Variants in VPS8 observed in about 807,000 individuals in gnomAD.
VPS8 encodes the protein VPS8 subunit of CORVET complex, also known as vacuolar protein sorting-associated protein 8 homolog.
VPS8 carries 129 observed loss-of-function variants against 216.4 expected under a neutral mutation model. That is an observed-to-expected ratio of 0.60 (90% CI 0.52 to 0.69). The LOEUF (loss-of-function observed/expected upper bound fraction) is 0.69, where lower values mean the gene tolerates loss of function less well. VPS8 is among the 30% of genes least tolerant of loss of function. The probability of loss-of-function intolerance (pLI) is 0.00; values close to 1 mark genes in which losing one functional copy is unlikely to be tolerated. For missense variants in VPS8, 1,531 were observed against 1,683.5 expected, an observed-to-expected ratio of 0.91 and a Z score of 1.59; for synonymous variants, 571 against 565.4, an observed-to-expected ratio of 1.01 and a Z score of -0.14.
intron 22 of VPS8, chr3:184,893,308 A>G: frequency 3.1e-6 from 4 of 1,287,256 alleles, no homozygotes; most frequent in Non-Finnish European, 4.1e-6. Context: ...CTTGTCATGA[A>G]AGACCATACC....
Position 184,957,353 on chromosome 3 carries a change from CTTTATCT to C in VPS8, c.3036-15_3036-9del. Reference sequence around the variant, plus strand: ...AAATAATGCTACAATTGAGTGTTCTCTTTATCTTTTATGTTTTTAGGGAAGGTATTCA... The same window carrying C: ...AAATAATGCTACAATTGAGTGTTCTCTTTATGTTTTTAGGGAAGGTATTCA... On this transcript the variant is annotated splice_polypyrimidine_tract_variant and intron_variant, in intron 36 of 47. Coordinates refer to ENST00000625842, the MANE Select transcript of VPS8 (RefSeq NM_001009921.3). The C allele has an allele frequency of 6.3e-7, 1 of 1,584,292 alleles. No individual in the cohort carries two copies. The highest frequency in any genetic ancestry group is 1.4e-5 in the African/African-American group (1 of 73,902).
chr3:184,940,727 T>G (rs2109324695), intron 36 of VPS8, among the ~76,000 whole-genome samples: 1 of 152,340 alleles, frequency 6.6e-6, no homozygotes, highest in African/African-American at 2.4e-5. Flanking sequence ...AGTTTAAATG[T>G]GTTTTTTCAA....
chr3:184,959,366 G>A (rs1186069574), intron 37 of VPS8, among the ~76,000 whole-genome samples: 1 of 152,082 alleles, frequency 6.6e-6, no homozygotes, highest in Non-Finnish European at 1.5e-5. Context: ...TACAAACAGA[G>A]CAAATTCTTA....
chr3:185,018,289 C>T (rs1000328697), intron 45 of VPS8, among the ~76,000 whole-genome samples: 1 of 152,172 alleles, frequency 6.6e-6, no homozygotes, highest in Non-Finnish European at 1.5e-5. Context: ...CTCCTGTAAC[C>T]GAGCCATAAA....
At chr3:184,832,932 G>A (rs1203624966) in intron 4 of VPS8, 113 bp downstream of exon 4, 3 of 1,292,494 alleles carry the variant, frequency 2.3e-6, no homozygotes, top group African/African-American at 1.5e-5. Context: ...TGCATGGGAA[G>A]TAGAAGGGAT....
chr3:184,930,688 C>A (rs775352596), intron 34 of VPS8, 120 bp downstream of exon 34: 20 of 680,252 alleles, frequency 2.9e-5, no homozygotes, highest in Non-Finnish European at 1.8e-5. Context: ...GGGTTGAAAT[C>A]TTTTTCGTGT....
intron 25 of VPS8, among the ~76,000 whole-genome samples, chr3:184,907,791 C>G (rs1735758757): frequency 6.6e-6 from 1 of 152,204 alleles, no homozygotes; most frequent in Non-Finnish European, 1.5e-5. Context: ...TTAATCCTAT[C>G]AGTTCCTGCT....
At chr3:184,934,417 T>C in intron 34 of VPS8, among the ~76,000 whole-genome samples, 1 of 152,066 alleles carries the variant, frequency 6.6e-6, no homozygotes, top group Non-Finnish European at 1.5e-5. Context: ...ATGATTCACC[T>C]ACCTTGGCCT....
intron 5 of VPS8, chr3:184,834,987 GGCA>G (rs1368854699): frequency 2.9e-6 from 1 of 341,368 alleles, no homozygotes; most frequent in Non-Finnish European, 5.2e-6. Flanking sequence ...AATGAAATAT[GGCA>G]GCAAGCCTAA....
At chr3:184,922,826 C>T (rs1578257156) in intron 29 of VPS8, among the ~76,000 whole-genome samples, 1 of 152,072 alleles carries the variant, frequency 6.6e-6, no homozygotes, top group East Asian at 1.9e-4. Context: ...TGACTTTTTA[C>T]ATTGCCCAGA....
intron 22 of VPS8, 115 bp from the exon 23 acceptor site, chr3:184,894,587 TA>T (rs1733034216): frequency 1.3e-6 from 1 of 769,540 alleles, no homozygotes; most frequent in Non-Finnish European, 2.0e-6. Context: ...ATTGCCATTT[TA>T]AATAAACTCA....
At chr3:184,824,848 TGA>T (rs1370394194) in intron 2 of VPS8, 63 bp downstream of exon 2, 7 of 1,472,266 alleles carry the variant, frequency 4.8e-6, no homozygotes, top group Non-Finnish European at 6.5e-6. Context: ...GTATGCTTTG[TGA>T]CCCAGAGACT....
At chr3:185,007,079 G>T (rs549084704) in intron 45 of VPS8, among the ~76,000 whole-genome samples, 6 of 152,086 alleles carry the variant, frequency 3.9e-5, no homozygotes, top group Non-Finnish European at 7.3e-5. Context: ...AGATGTGTTG[G>T]GAGTTATTCC....
intron 42 of VPS8, among the ~76,000 whole-genome samples, chr3:184,992,133 C>A (rs1328095395): frequency 6.6e-6 from 1 of 152,172 alleles, no homozygotes; most frequent in Non-Finnish European, 1.5e-5. Context: ...AGAAACTGCA[C>A]AACCTATTCT....
chr3:184,986,134 T>G (rs1751035597), intron 42 of VPS8, among the ~76,000 whole-genome samples: 1 of 152,136 alleles, frequency 6.6e-6, no homozygotes, highest in Non-Finnish European at 1.5e-5. Context: ...TGAAACAGAG[T>G]AGGAAATTTG....
chr3:184,942,830 A>G (rs1317315676), intron 36 of VPS8, among the ~76,000 whole-genome samples: 1 of 152,242 alleles, frequency 6.6e-6, no homozygotes, highest in Non-Finnish European at 1.5e-5. Context: ...AATCCATAAA[A>G]GCTTCTTTAA....
chr3:184,820,409 A>G (rs1717325164), intron 1 of VPS8, among the ~76,000 whole-genome samples: 1 of 152,110 alleles, frequency 6.6e-6, no homozygotes, highest in Non-Finnish European at 1.5e-5. Flanking sequence ...TCCCCTTTCA[A>G]GGACCTTTGT....
In VPS8 at chr3:184,849,691, C is replaced by T. The variant is rs1723895862; in HGVS notation, c.667-245C>T. On this transcript the variant is annotated intron_variant, in intron 9 of 47. Transcript: ENST00000625842. Reference sequence around the variant, plus strand: ...TATTAGAGAAATATCTTTTGTCTCTCAGTATGAGAACAACATTTAAAATCT... The same window carrying T: ...TATTAGAGAAATATCTTTTGTCTCTTAGTATGAGAACAACATTTAAAATCT... The T allele has an allele frequency of 6.0e-5, 29 of 485,218 alleles. No homozygotes were observed. The South Asian group carries it at 7.5e-4, about 13-fold the overall frequency. The allele number at this position is 485,218 out of a possible 1,614,324, so 30.1% of individuals were successfully genotyped here.
rs542414600 is a variant in VPS8, at chr3:184,891,420, G to A, written c.1782-3283G>A. On this transcript the variant is annotated intron_variant, in intron 22 of 47. Transcript: ENST00000625842. ...TTATTAGGGTGGTGCAAAAGTAATT[G>A]CAAATTTCATCATTAAAAGTAATGG... Among the ~76,000 whole-genome samples the A allele has an allele frequency of 2.6e-5, 4 of 152,218 alleles. No individual in the cohort carries two copies. In the East Asian group the frequency reaches 7.7e-4, roughly 29 times the overall value.
Sources: gnomAD v4.1 joint callset for allele counts (sites outside exome capture counted in the v4.1 genomes callset) on GRCh38, gnomAD v4.1.1 for gene constraint, MANE v1.5 for transcripts, NCBI Gene and HGNC (gene_info 2026-07-23, HGNC 2026-07-21) for gene names.